CNTN4: variants seen among roughly 807,000 people sequenced by gnomAD.
CNTN4 encodes the protein contactin-4.
In CNTN4, 77 loss-of-function variants were observed where a neutral mutation model predicts 122.5. That is an observed-to-expected ratio of 0.63 (90% CI 0.52 to 0.76). The LOEUF is 0.76. Among genes scored for constraint, CNTN4 ranks in the 30% least tolerant of loss-of-function variants. The pLI, the probability that CNTN4 is intolerant of heterozygous loss-of-function variation, is 0.00. For missense variants in CNTN4, 1,256 were observed against 1,259.1 expected, an observed-to-expected ratio of 1.00 and a Z score of 0.04; for synonymous variants, 512 against 447.0, an observed-to-expected ratio of 1.15 and a Z score of -1.83.
chr3:3,032,994 C>G (rs1420623277), intron 16 of CNTN4, among the ~76,000 whole-genome samples: 1 of 152,174 alleles, frequency 6.6e-6, no homozygotes, highest in African/African-American at 2.4e-5. Flanking sequence ...AGTGTCCAAA[C>G]TCATACCAGC....
chr3:2,839,212 G>A (rs2093298464), intron 7 of CNTN4, among the ~76,000 whole-genome samples: 1 of 152,186 alleles, frequency 6.6e-6, no homozygotes, highest in Non-Finnish European at 1.5e-5. Flanking sequence ...ATTGCCATAT[G>A]ATATAATAGC....
At chr3:2,507,774 G>C (rs912811430) in intron 3 of CNTN4, among the ~76,000 whole-genome samples, 2 of 145,106 alleles carry the variant, frequency 1.4e-5, no homozygotes, top group African/African-American at 5.0e-5. Context: ...AAGAAAATTG[G>C]CTTTTTTTTT....
chr3:2,258,972 T>A lies in CNTN4; in HGVS notation c.-144-80206T>A, dbSNP rs556575258. On this transcript the variant is annotated intron_variant, in intron 2 of 24. Transcript: ENST00000418658. Reference sequence around the variant, plus strand: ...TCTTTTTCATTTATTATTTCATTTGTTTCTTATAACCTTATAAGGCATAAG... The same window carrying A: ...TCTTTTTCATTTATTATTTCATTTGATTCTTATAACCTTATAAGGCATAAG... Among the ~76,000 whole-genome samples the A allele has an allele frequency of 2.0e-5, 3 of 152,306 alleles. No homozygotes were observed. In the East Asian group the frequency reaches 5.8e-4, roughly 29 times the overall value.
chr3:2,428,078 G>T (rs2047912776), intron 3 of CNTN4, among the ~76,000 whole-genome samples: 1 of 152,104 alleles, frequency 6.6e-6, no homozygotes, highest in African/African-American at 2.4e-5. Context: ...TACATTTAAG[G>T]TTAATATTGT....
At chr3:2,638,317 A>C (rs941777040) in intron 4 of CNTN4, among the ~76,000 whole-genome samples, 6 of 152,090 alleles carry the variant, frequency 3.9e-5, no homozygotes, top group African/African-American at 1.4e-4. Flanking sequence ...CATGTGATTC[A>C]GTGTTGTGCC....
At chr3:2,176,144 A>G (rs1430277539) in intron 2 of CNTN4, among the ~76,000 whole-genome samples, 1 of 152,196 alleles carries the variant, frequency 6.6e-6, no homozygotes, top group African/African-American at 2.4e-5. Context: ...ATCACACAGA[A>G]CATGCATTAA....
At chr3:2,330,424 G>C (rs1224554143) in intron 2 of CNTN4, among the ~76,000 whole-genome samples, 1 of 152,064 alleles carries the variant, frequency 6.6e-6, no homozygotes, top group Non-Finnish European at 1.5e-5. Flanking sequence ...CCCTCCTGAG[G>C]CTATTTAGGA....
chr3:2,129,556 T>C (rs1011395780), intron 2 of CNTN4, among the ~76,000 whole-genome samples: 1 of 152,068 alleles, frequency 6.6e-6, no homozygotes, highest in Non-Finnish European at 1.5e-5. Context: ...ACAGGCCTTA[T>C]TTTCCCTGAG....
intron 2 of CNTN4, among the ~76,000 whole-genome samples, chr3:2,107,474 C>T (rs954106356): frequency 6.6e-5 from 10 of 152,040 alleles, no homozygotes; most frequent in East Asian, 1.9e-4. Context: ...CCTTATAAAA[C>T]GATCAGATCT....
chr3:2,913,241 G>T (rs1277947214), intron 12 of CNTN4, among the ~76,000 whole-genome samples: 1 of 152,172 alleles, frequency 6.6e-6, no homozygotes, highest in Non-Finnish European at 1.5e-5. Flanking sequence ...AGAGGAGAAA[G>T]GGTAAACACA....
chr3:2,346,636 A>G (rs1215215342), intron 3 of CNTN4, among the ~76,000 whole-genome samples: 2 of 152,144 alleles, frequency 1.3e-5, no homozygotes, highest in African/African-American at 4.8e-5. Context: ...TCCCCTCAAT[A>G]CCATGAAGAT....
chr3:2,924,770 T>C (rs576337433), intron 12 of CNTN4, among the ~76,000 whole-genome samples: 2 of 152,294 alleles, frequency 1.3e-5, no homozygotes, highest in East Asian at 1.9e-4. Flanking sequence ...AAGCATTGCA[T>C]TGGGCACTTG....
intron 6 of CNTN4, among the ~76,000 whole-genome samples, chr3:2,776,066 T>A (rs772091756): frequency 6.6e-6 from 1 of 152,140 alleles, no homozygotes; most frequent in Non-Finnish European, 1.5e-5. Flanking sequence ...TCAAGTGAAA[T>A]GATTATTGAA....
chr3:2,756,770 T>C (rs896550910), intron 6 of CNTN4, among the ~76,000 whole-genome samples: 1 of 152,150 alleles, frequency 6.6e-6, no homozygotes, highest in African/African-American at 2.4e-5. Context: ...GGGAAACCAG[T>C]GATTGCTGAA....
intron 6 of CNTN4, among the ~76,000 whole-genome samples, chr3:2,761,318 C>G (rs2090578368): frequency 6.6e-6 from 1 of 152,096 alleles, no homozygotes; most frequent in East Asian, 1.9e-4. Context: ...AGTTTCTATA[C>G]CCCTCTGAAT....
chr3:2,663,115 AAG>A (rs2083981755), intron 4 of CNTN4, among the ~76,000 whole-genome samples: 1 of 152,098 alleles, frequency 6.6e-6, no homozygotes, highest in Non-Finnish European at 1.5e-5. Flanking sequence ...AGAAAAAAAA[AAG>A]AAAAGGGAAA....
chr3:2,111,085 T>C (rs4234546), intron 2 of CNTN4, among the ~76,000 whole-genome samples: 151,430 of 152,278 alleles, frequency 0.99, 75,298 homozygotes, highest in East Asian at 1. Flanking sequence ...AAGGTCTTAC[T>C]AGTTACTAGA....
intron 3 of CNTN4, among the ~76,000 whole-genome samples, chr3:2,567,049 C>T (rs570126691): frequency 6.6e-6 from 1 of 151,936 alleles, no homozygotes; most frequent in African/African-American, 2.4e-5. Context: ...GTCATTCTCA[C>T]CCTCCTCGTA....
At chr3:2,597,537 A>G (rs1164018466) in intron 4 of CNTN4, among the ~76,000 whole-genome samples, 2 of 152,190 alleles carry the variant, frequency 1.3e-5, no homozygotes, top group Non-Finnish European at 2.9e-5. Context: ...CTCTAGCAAC[A>G]TGATGCATCT....
Sources: allele counts gnomAD v4.1 joint callset (sites outside exome capture counted in the v4.1 genomes callset), GRCh38; gene constraint gnomAD v4.1.1; transcripts MANE v1.5; gene names NCBI Gene and HGNC (gene_info 2026-07-23, HGNC 2026-07-21).